Variants in MTHFD1L observed in about 807,000 individuals in gnomAD.
MTHFD1L encodes the protein monofunctional C1-tetrahydrofolate synthase, mitochondrial.
MTHFD1L carries 81 observed loss-of-function variants against 119.5 expected under a neutral mutation model. That is an observed-to-expected ratio of 0.68 (90% confidence interval 0.57 to 0.82). MTHFD1L has a LOEUF of 0.82. Ranked by LOEUF, MTHFD1L falls within the 40% of genes least tolerant of loss-of-function variation. The pLI is 0.00. For missense variants in MTHFD1L, 1,125 were observed against 1,253.4 expected (o/e 0.90, Z 1.55); for synonymous variants, 430 against 475.2 (o/e 0.90, Z 1.24).
At chr6:150,986,424 A>G (rs368695750) in intron 20 of MTHFD1L, among the ~76,000 whole-genome samples, 2 of 152,326 alleles carry the variant, frequency 1.3e-5, no homozygotes, top group South Asian at 4.1e-4. Flanking sequence ...TGTGTTCTAA[A>G]CACTGCTCCC....
intron 26 of MTHFD1L, among the ~76,000 whole-genome samples, chr6:151,044,427 G>A (rs1324045864): frequency 4.6e-5 from 7 of 150,854 alleles, no homozygotes; most frequent in Non-Finnish European, 1.0e-4. Context: ...TCAGCCTCCC[G>A]AGTAGCTGGG....
intron 10 of MTHFD1L, among the ~76,000 whole-genome samples, chr6:150,922,647 CT>C (rs35497180): frequency 0.69 from 74,618 of 107,396 alleles, 24,359 homozygotes; most frequent in East Asian, 0.86. Context: ...CCCCCCCACC[CT>C]TTTTTTTTTT....
intron 7 of MTHFD1L, chr6:150,899,116 C>A: frequency 5.0e-6 from 2 of 396,324 alleles, no homozygotes; most frequent in African/African-American, 2.2e-5. Context: ...TTGATATTTT[C>A]TTCTCATATG....
chr6:151,079,615 A>G (rs551646092), intron 26 of MTHFD1L, among the ~76,000 whole-genome samples: 14 of 151,766 alleles, frequency 9.2e-5, no homozygotes, highest in African/African-American at 2.9e-4. Flanking sequence ...TCAGCCTCTC[A>G]AGTAGCTAGG....
chr6:150,899,740 G>A (rs531792972), intron 7 of MTHFD1L, among the ~76,000 whole-genome samples: 89 of 152,158 alleles, frequency 5.8e-4, no homozygotes, highest in Middle Eastern at 3.4e-3. Context: ...TTGGGAGGCC[G>A]AGGCAGGCGG....
chr6:150,936,066 A>G (rs1043226619), intron 11 of MTHFD1L, among the ~76,000 whole-genome samples: 2 of 152,222 alleles, frequency 1.3e-5, no homozygotes, highest in Admixed American at 6.5e-5. Flanking sequence ...AGTTTCCGCC[A>G]TAGTATGCAC....
chr6:151,069,742 G>A (rs1264011813), intron 26 of MTHFD1L, among the ~76,000 whole-genome samples: 2 of 152,098 alleles, frequency 1.3e-5, no homozygotes, highest in African/African-American at 2.4e-5. Context: ...AGAGCTCAGC[G>A]GTGCCTTTGG....
At chr6:151,073,291 C>T (rs1164858055) in intron 26 of MTHFD1L, among the ~76,000 whole-genome samples, 1 of 152,138 alleles carries the variant, frequency 6.6e-6, no homozygotes, top group Non-Finnish European at 1.5e-5. Flanking sequence ...CTACCCATCA[C>T]CAGAGAAAGG....
intron 26 of MTHFD1L, among the ~76,000 whole-genome samples, chr6:151,046,757 T>G (rs1469904778): frequency 2.0e-5 from 3 of 152,030 alleles, no homozygotes; most frequent in African/African-American, 7.2e-5. Context: ...CAGAAGCAGC[T>G]AAGCAATATA....
intron 7 of MTHFD1L, among the ~76,000 whole-genome samples, chr6:150,893,203 T>TA (rs774017254): frequency 6.6e-6 from 1 of 152,138 alleles, no homozygotes; most frequent in Non-Finnish European, 1.5e-5. Context: ...TAGCTGGGAT[T>TA]ACAGGCGAGC....
At chr6:151,013,427 TA>T (rs1217976898) in intron 21 of MTHFD1L, among the ~76,000 whole-genome samples, 2 of 152,208 alleles carry the variant, frequency 1.3e-5, no homozygotes, top group Non-Finnish European at 2.9e-5. Context: ...AATCAAGTAT[TA>T]AACATATTAT....
At chr6:151,015,354 T>C (rs138149630) in intron 23 of MTHFD1L, among the ~76,000 whole-genome samples, 162 bp from the exon 24 acceptor site, 15 of 152,250 alleles carry the variant, frequency 9.9e-5, no homozygotes, top group Non-Finnish European at 1.8e-4. Context: ...ACTTTTTTTT[T>C]CCATGCTTTA....
intron 13 of MTHFD1L, among the ~76,000 whole-genome samples, chr6:150,939,681 C>CTATTTTTTT (rs1175796074): frequency 1.1e-5 from 1 of 94,082 alleles, no homozygotes; most frequent in African/African-American, 5.8e-5. Flanking sequence ...TCCTTGCAGA[C>CTATTTTTTT]TCTTTTTTTT....
intron 1 of MTHFD1L, among the ~76,000 whole-genome samples, chr6:150,867,133 G>A (rs1778509010): frequency 6.6e-6 from 1 of 151,854 alleles, no homozygotes; most frequent in South Asian, 2.1e-4. Context: ...CGTTTCCTAG[G>A]CTCTTTATTA....
At chr6:150,987,835 T>A (rs1255477870) in intron 20 of MTHFD1L, among the ~76,000 whole-genome samples, 1 of 152,250 alleles carries the variant, frequency 6.6e-6, no homozygotes, top group East Asian at 1.9e-4. Context: ...CTAGGCTTTT[T>A]ATGGTGAACA....
At chr6:150,874,604 G>C (rs1446084351) in intron 1 of MTHFD1L, among the ~76,000 whole-genome samples, 2 of 152,236 alleles carry the variant, frequency 1.3e-5, no homozygotes, top group Non-Finnish European at 2.9e-5. Context: ...TAGCACTGAA[G>C]CCTGGGGGCT....
rs1364043648 is a variant in MTHFD1L, at chr6:151,015,531, T to A, written c.2424T>A (p.Ala808=). 3 of 1,608,844 alleles carry A rather than the reference T, an allele frequency of 1.9e-6. No individual in the cohort carries two copies. In the African/African-American group the frequency reaches 4.0e-5, roughly 22 times the overall value. The part of the protein sequence containing the change: ...ALNVFKTDTR[A]EIDLVCELAK... ...TCTTCACTAGGACCGACACCCGCGC[T>A]GAGATTGACTTGGTGTGTGAGCTTG... Residue 808 remains alanine, a synonymous_variant, in exon 24 of 28, where the codon GCT becomes GCA. Transcript: ENST00000367321.
At chr6:150,968,015 T>C (rs34422817) in intron 19 of MTHFD1L, among the ~76,000 whole-genome samples, 113 of 152,192 alleles carry the variant, frequency 7.4e-4, no homozygotes, top group Non-Finnish European at 1.3e-3. Context: ...GGGGGACCTT[T>C]GCACGGCTAA....
At chr6:150,878,653 T>G (rs929848323) in intron 4 of MTHFD1L, among the ~76,000 whole-genome samples, 4 of 152,242 alleles carry the variant, frequency 2.6e-5, no homozygotes, top group African/African-American at 9.6e-5. Flanking sequence ...GTCCCTCTGC[T>G]CTGCCGCCTT....
Sources: allele counts gnomAD v4.1 joint callset (sites outside exome capture counted in the v4.1 genomes callset), GRCh38; gene constraint gnomAD v4.1.1; transcripts MANE v1.5; gene names NCBI Gene and HGNC (gene_info 2026-07-23, HGNC 2026-07-21).